CCDC146: variants seen among roughly 807,000 people sequenced by gnomAD.
The protein encoded by CCDC146 is coiled-coil domain containing 146.
CCDC146 carries 92 observed loss-of-function variants against 119.3 expected under a neutral mutation model. The ratio of observed to expected loss-of-function variants is 0.77; its 90% CI spans 0.65 to 0.92. The LOEUF (loss-of-function observed/expected upper bound fraction) is 0.92, where lower values mean the gene tolerates loss of function less well. CCDC146 is among the 40% of genes least tolerant of loss of function. CCDC146 has a pLI of 0.00. For missense variants in CCDC146, 1,000 were observed against 1,103.0 expected, an observed-to-expected ratio of 0.91 and a Z score of 1.32; for synonymous variants, 372 against 371.8, an observed-to-expected ratio of 1.00 and a Z score of -0.01.
chr7:77,277,978 GCTTT>G (rs535213377), intron 11 of CCDC146, among the ~76,000 whole-genome samples: 157 of 152,266 alleles, frequency 1.0e-3, no homozygotes, highest in African/African-American at 3.7e-3. Flanking sequence ...AAATATAACT[GCTTT>G]CTTTTAAAAT....
At chr7:77,199,408 C>CT in intron 2 of CCDC146, 1 of 1,614,196 alleles carries the variant, frequency 6.2e-7, no homozygotes, top group Middle Eastern at 1.6e-4. Context: ...TTCTCTAACT[C>CT]TGTTATCACC....
intron 2 of CCDC146, among the ~76,000 whole-genome samples, chr7:77,171,609 G>T (rs1791422948): frequency 6.6e-6 from 1 of 152,100 alleles, no homozygotes; most frequent in Admixed American, 6.5e-5. Flanking sequence ...CATGCGTTTG[G>T]TTTCACCTTC....
intron 9 of CCDC146, among the ~76,000 whole-genome samples, chr7:77,264,852 T>C (rs1279401852): frequency 6.6e-6 from 1 of 152,226 alleles, no homozygotes; most frequent in Non-Finnish European, 1.5e-5. Context: ...CATCAGTTAG[T>C]TTTACATTCT....
chr7:77,131,524 C>G (rs889908556), intron 1 of CCDC146, among the ~76,000 whole-genome samples: 1 of 151,928 alleles, frequency 6.6e-6, no homozygotes, highest in Admixed American at 6.5e-5. Flanking sequence ...TTGAGACCAG[C>G]TTGGCCAACG....
At chr7:77,171,718 C>G (rs1357062551) in intron 2 of CCDC146, among the ~76,000 whole-genome samples, 3 of 152,244 alleles carry the variant, frequency 2.0e-5, no homozygotes, top group Admixed American at 1.3e-4. Flanking sequence ...CTTGTAGCCA[C>G]TCTTCACAGA....
chr7:77,198,143 C>T (rs1225116731), intron 2 of CCDC146: 4 of 985,308 alleles, frequency 4.1e-6, no homozygotes, highest in East Asian at 1.1e-4. Context: ...ACCTTGGATT[C>T]GCAGTGTGCC....
Position 77,241,675 on chromosome 7 carries a change from T to C in CCDC146, c.240-16T>C. On this transcript the variant is annotated splice_polypyrimidine_tract_variant and intron_variant, in intron 3 of 18. Transcript: ENST00000285871. Reference sequence around the variant, plus strand: ...CATGTCTCATTATGTGAGTCTCTGTTTTTCATGTAACCCAGCACACAAGAG... The same window carrying C: ...CATGTCTCATTATGTGAGTCTCTGTCTTTCATGTAACCCAGCACACAAGAG... 6.2e-7 allele frequency: 1 copy of C among 1,612,770 alleles called. No individual in the cohort carries two copies. The highest frequency in any genetic ancestry group is 1.1e-5 in the South Asian group (1 of 91,052).
chr7:77,282,894 C>CATCCATCTTGTTTAAAAA, intron 15 of CCDC146, 109 bp downstream of exon 15: 2 of 698,872 alleles, frequency 2.9e-6, no homozygotes, highest in Non-Finnish European at 4.9e-6. Context: ...TTTCTGGGAC[C>CATCCATCTTGTTTAAAAA]TATAAGAATC....
intron 11 of CCDC146, among the ~76,000 whole-genome samples, chr7:77,276,851 ACCT>A (rs1793654878): frequency 6.6e-6 from 1 of 152,186 alleles, no homozygotes; most frequent in Non-Finnish European, 1.5e-5. Flanking sequence ...CGGGTGGATC[ACCT>A]GAGGTCAGGA....
intron 1 of CCDC146, among the ~76,000 whole-genome samples, chr7:77,141,560 C>T (rs544723061): frequency 6.6e-6 from 1 of 152,344 alleles, no homozygotes; most frequent in Non-Finnish European, 1.5e-5. Flanking sequence ...TCCTATTTCT[C>T]CATATCCTCT....
chr7:77,140,926 A>G (rs1256956019), intron 1 of CCDC146, among the ~76,000 whole-genome samples: 1 of 147,620 alleles, frequency 6.8e-6, no homozygotes. Flanking sequence ...ATTAGCCTTT[A>G]TTTTTTTTTA....
chr7:77,246,900 C>T (rs1432104441), intron 4 of CCDC146, among the ~76,000 whole-genome samples: 1 of 152,154 alleles, frequency 6.6e-6, no homozygotes, highest in African/African-American at 2.4e-5. Flanking sequence ...AAGCACCTGG[C>T]ACACAGTATG....
At chr7:77,199,405 ACT>A (rs1791938859) in intron 2 of CCDC146, 1 of 1,613,636 alleles carries the variant, frequency 6.2e-7, no homozygotes, top group South Asian at 1.1e-5. Context: ...TAATTCTCTA[ACT>A]CTGTTATCAC....
intron 2 of CCDC146, among the ~76,000 whole-genome samples, chr7:77,175,167 T>C (rs1477754518): frequency 1.3e-5 from 2 of 151,492 alleles, no homozygotes. Context: ...TTGGAGGCTG[T>C]AAAATCATTT....
chr7:77,274,523 A>C lies in CCDC146; in HGVS notation c.1311A>C (p.Gln437His). The C allele has an allele frequency of 6.2e-7, 1 of 1,607,590 alleles. No homozygotes were observed. Among genetic ancestry groups the C allele is most frequent in the South Asian group, 1.1e-5 (1 of 89,976 alleles). The change falls in exon 11 of 19, where the codon CAA becomes CAC. Residue 437 changes from glutamine to histidine, a missense_variant. By Grantham distance (24) the Gln-to-His change is conservative. Around this residue, in one of 2 missense-constraint regions of CCDC146, gnomAD observed 985 missense variants for 1,045.3 expected, o/e 0.94. Coordinates refer to ENST00000285871, the MANE Select transcript of CCDC146 (RefSeq NM_020879.3). ...SEMESKLVEQ[Q>H]LAEENKLLKE... ...TGGAGTCTAAGTTAGTAGAACAACA[A>C]CTTGCAGAAGAAAACAAGCTTTTAA...
chr7:77,129,428 G>A (rs181905108), intron 1 of CCDC146, among the ~76,000 whole-genome samples: 18 of 152,102 alleles, frequency 1.2e-4, no homozygotes, highest in African/African-American at 4.1e-4. Context: ...GTGAAAAAGT[G>A]AAACATTCTC....
In CCDC146 at chr7:77,196,265, A is replaced by G. The variant is rs1393985248; in HGVS notation, c.156+28441A>G. ...TATTAGATAACGAATACCTGGAGGA[A>G]TGAACAGAGTGATTTATGGCTTAAA... On this transcript the variant is annotated intron_variant, in intron 2 of 18. Coordinates refer to ENST00000285871, the MANE Select transcript of CCDC146 (RefSeq NM_020879.3). The surrounding 1 kb of genome is among the most constrained non-coding windows in gnomAD (Gnocchi z 4.2). 1 of 1,590,984 alleles carries G rather than the reference A, an allele frequency of 6.3e-7. No individual in the cohort carries two copies. Among genetic ancestry groups the G allele is most frequent in the South Asian group, 1.1e-5 (1 of 89,884 alleles).
intron 1 of CCDC146, among the ~76,000 whole-genome samples, chr7:77,131,710 T>A (rs1264289264): frequency 2.0e-5 from 3 of 152,216 alleles, no homozygotes; most frequent in Non-Finnish European, 4.4e-5. Context: ...AGAGTGAGAC[T>A]CCGTCTAAAA....
chr7:77,222,514 C>CT (rs2150463902), intron 2 of CCDC146, among the ~76,000 whole-genome samples: 1 of 152,238 alleles, frequency 6.6e-6, no homozygotes, highest in South Asian at 2.1e-4. Context: ...GTGATCTCAG[C>CT]ACATAAAAGG....
Sources: gnomAD v4.1 joint callset for allele counts (sites outside exome capture counted in the v4.1 genomes callset) on GRCh38, gnomAD v4.1.1 for gene constraint, gnomAD v4.1.1 regional missense constraint, Gnocchi (gnomAD v3.1) non-coding constraint, MANE v1.5 for transcripts, NCBI Gene and HGNC (gene_info 2026-07-23, HGNC 2026-07-21) for gene names.